SPHKAP: variants seen among roughly 807,000 people sequenced by gnomAD.
SPHKAP encodes the protein A-kinase anchor protein SPHKAP.
A neutral mutation model predicts 137.5 loss-of-function variants in SPHKAP; 67 were observed. The ratio of observed to expected loss-of-function variants is 0.49; its 90% CI spans 0.40 to 0.60. The LOEUF is 0.60. Among genes scored for constraint, SPHKAP ranks in the 20% least tolerant of loss-of-function variants. The pLI, the probability that SPHKAP is intolerant of heterozygous loss-of-function variation, is 0.00. For missense variants in SPHKAP, 2,097 were observed against 2,069.3 expected, an observed-to-expected ratio of 1.01 and a Z score of -0.26; for synonymous variants, 813 against 785.3, an observed-to-expected ratio of 1.04 and a Z score of -0.59.
At chr2:228,101,418 G>A (rs932957884) in intron 3 of SPHKAP, among the ~76,000 whole-genome samples, 2 of 152,094 alleles carry the variant, frequency 1.3e-5, no homozygotes, top group African/African-American at 4.8e-5. Flanking sequence ...TGCAAATCTA[G>A]TTTATGAAGG....
chr2:228,039,426 A>G (rs912640292), intron 3 of SPHKAP, among the ~76,000 whole-genome samples: 4 of 140,612 alleles, frequency 2.8e-5, no homozygotes, highest in African/African-American at 1.1e-4. Context: ...TTGAATGTCT[A>G]TAGGAAATAC....
At chr2:228,147,325 A>G (rs1351020549) in intron 1 of SPHKAP, among the ~76,000 whole-genome samples, 3 of 152,252 alleles carry the variant, frequency 2.0e-5, no homozygotes, top group Non-Finnish European at 4.4e-5. Flanking sequence ...ATAAGTAGAA[A>G]TCATACATAT....
At chr2:228,131,029 T>C (rs919716239) in intron 2 of SPHKAP, among the ~76,000 whole-genome samples, 6 of 152,172 alleles carry the variant, frequency 3.9e-5, no homozygotes, top group South Asian at 2.1e-4. Flanking sequence ...CTCTAATACT[T>C]GAAAACTAGA....
chr2:228,154,094 G>C (rs1041141792), intron 1 of SPHKAP, among the ~76,000 whole-genome samples: 1 of 151,990 alleles, frequency 6.6e-6, no homozygotes, highest in African/African-American at 2.4e-5. Flanking sequence ...ATGCAAAAAT[G>C]AAAAATAGAA....
At chr2:227,990,890 A>G in intron 11 of SPHKAP, 110 bp downstream of exon 11, 3 of 1,082,114 alleles carry the variant, frequency 2.8e-6, no homozygotes, top group Non-Finnish European at 4.0e-6. Context: ...GATCAAGAAC[A>G]GTCAGGATCA....
chr2:228,115,892 G>C (rs910780573), intron 2 of SPHKAP, among the ~76,000 whole-genome samples: 23 of 152,104 alleles, frequency 1.5e-4, no homozygotes, highest in Non-Finnish European at 3.4e-4. Context: ...TAAGGCCTTT[G>C]GGAGGTGATT....
chr2:228,160,831 T>C (rs1263376923), intron 1 of SPHKAP, among the ~76,000 whole-genome samples: 2 of 152,234 alleles, frequency 1.3e-5, no homozygotes, highest in Non-Finnish European at 2.9e-5. Flanking sequence ...TATACTGACT[T>C]TCTTGGCCTT....
At chr2:228,107,270 C>T (rs1387154210) in intron 3 of SPHKAP, among the ~76,000 whole-genome samples, 2 of 152,110 alleles carry the variant, frequency 1.3e-5, no homozygotes, top group Non-Finnish European at 2.9e-5. Context: ...CCCTGGTAAC[C>T]ACCATTCTAC....
At chr2:228,081,243 G>A (rs1441877661) in intron 3 of SPHKAP, among the ~76,000 whole-genome samples, 2 of 152,090 alleles carry the variant, frequency 1.3e-5, no homozygotes, top group Admixed American at 1.3e-4. Flanking sequence ...CTTTTCTCTT[G>A]CAACACATGG....
At chr2:227,991,607 C>T in intron 9 of SPHKAP, 1 of 985,416 alleles carries the variant, frequency 1.0e-6, no homozygotes, top group Non-Finnish European at 1.2e-6. Flanking sequence ...ATGCAACCTT[C>T]TCTTCAACCT....
At chr2:228,011,229 CT>C (rs34531138) in intron 7 of SPHKAP, among the ~76,000 whole-genome samples, 25,856 of 145,610 alleles carry the variant, frequency 0.18, 2,406 homozygotes, top group East Asian at 0.39. Context: ...TCAAAGATGC[CT>C]TTTTTTTTTT....
chr2:228,054,204 A>T (rs1373469751), intron 3 of SPHKAP, among the ~76,000 whole-genome samples: 1 of 152,188 alleles, frequency 6.6e-6, no homozygotes, highest in East Asian at 1.9e-4. Flanking sequence ...TGATTATCAC[A>T]TGGTGAGAGA....
chr2:228,031,522 G>A (rs1019677460), intron 3 of SPHKAP, among the ~76,000 whole-genome samples: 1 of 152,204 alleles, frequency 6.6e-6, no homozygotes, highest in African/African-American at 2.4e-5. Context: ...GAGAGTAGTG[G>A]TTCTCCCAGC....
Position 228,161,707 on chromosome 2 carries a change from C to CAAAATAAAAT in SPHKAP, c.32+19850_32+19859dup, listed in dbSNP as rs374926708. On this transcript the variant is annotated intron_variant, in intron 1 of 11. Transcript: ENST00000392056. ...GTGCACCTTGGAACTAAAAATAGAACAAAATAAAATAAAATAAAATAAAAT... is the reference window on the plus strand; with the variant it reads ...GTGCACCTTGGAACTAAAAATAGAACAAAATAAAATAAAATAAAATAAAATAAAATAAAAT... Among the ~76,000 whole-genome samples, 724 of 151,222 alleles carry CAAAATAAAAT rather than the reference C, an allele frequency of 4.8e-3. 1 individual carries two copies. Among genetic ancestry groups the CAAAATAAAAT allele is most frequent in the African/African-American group, 0.012 (488 of 41,018 alleles).
At chr2:228,077,362 A>G (rs1245795813) in intron 3 of SPHKAP, among the ~76,000 whole-genome samples, 1 of 152,306 alleles carries the variant, frequency 6.6e-6, no homozygotes, top group Non-Finnish European at 1.5e-5. Flanking sequence ...CAGACACTCA[A>G]TGCCAGCCCA....
intron 3 of SPHKAP, among the ~76,000 whole-genome samples, chr2:228,039,441 T>G (rs201506540): frequency 2.9e-5 from 4 of 137,522 alleles, no homozygotes; most frequent in Non-Finnish European, 6.4e-5. Context: ...AAATACACAG[T>G]TTTTTTTAGT....
At chr2:228,116,108 G>T (rs1268014132) in intron 2 of SPHKAP, among the ~76,000 whole-genome samples, 1 of 152,106 alleles carries the variant, frequency 6.6e-6, no homozygotes, top group Non-Finnish European at 1.5e-5. Context: ...CCTGTTGTTT[G>T]CAGATTACAC....
intron 3 of SPHKAP, among the ~76,000 whole-genome samples, chr2:228,034,998 C>G (rs1314569125): frequency 6.6e-6 from 1 of 150,604 alleles, no homozygotes. Context: ...TCTCACCACT[C>G]CTATTCAACA....
At chr2:228,164,832 A>C (rs138722246) in intron 1 of SPHKAP, among the ~76,000 whole-genome samples, 31 of 152,080 alleles carry the variant, frequency 2.0e-4, no homozygotes, top group African/African-American at 6.7e-4. Context: ...ATGAGAATGC[A>C]CTCTGCTTTG....
Sources: gnomAD v4.1 joint callset for allele counts (sites outside exome capture counted in the v4.1 genomes callset) on GRCh38, gnomAD v4.1.1 for gene constraint, MANE v1.5 for transcripts, NCBI Gene and HGNC (gene_info 2026-07-23, HGNC 2026-07-21) for gene names.